Variants in MAN2A1 observed in about 807,000 individuals in gnomAD.
MAN2A1 encodes the protein mannosidase alpha class 2A member 1, also known as alpha-mannosidase 2.
Under a neutral mutation model 142.6 loss-of-function variants are expected in MAN2A1, and 76 were observed. That is an observed-to-expected ratio of 0.53 (90% CI 0.44 to 0.65). The LOEUF (loss-of-function observed/expected upper bound fraction) is 0.65, where lower values mean the gene tolerates loss of function less well. Among genes scored for constraint, MAN2A1 ranks in the 30% least tolerant of loss-of-function variants. MAN2A1 has a pLI of 0.00. For synonymous variants in MAN2A1, 559 were observed against 473.2 expected (o/e 1.18, Z -2.35); for missense variants, 1,311 against 1,365.1 (o/e 0.96, Z 0.62).
At chr5:109,811,470 C>T (rs889274280) in intron 12 of MAN2A1, among the ~76,000 whole-genome samples, 2 of 151,870 alleles carry the variant, frequency 1.3e-5, no homozygotes, top group Non-Finnish European at 2.9e-5. Flanking sequence ...TACTAAGTGA[C>T]ATTTTTTCAT....
At chr5:109,849,411 C>G (rs2112766703) in intron 19 of MAN2A1, among the ~76,000 whole-genome samples, 1 of 152,244 alleles carries the variant, frequency 6.6e-6, no homozygotes. Context: ...TCTTCTCTCC[C>G]AAACCTGGCC....
intron 7 of MAN2A1, 34 bp from the exon 8 acceptor site, chr5:109,774,754 A>C: frequency 6.5e-7 from 1 of 1,538,212 alleles, no homozygotes; most frequent in Non-Finnish European, 8.8e-7. Flanking sequence ...TCAAATTCAT[A>C]TTTGCTGTTT....
intron 1 of MAN2A1, among the ~76,000 whole-genome samples, chr5:109,708,288 C>T (rs1751194976): frequency 6.6e-6 from 1 of 152,014 alleles, no homozygotes; most frequent in Non-Finnish European, 1.5e-5. Flanking sequence ...AGGCTTGAAA[C>T]ATGGGAGCCT....
intron 16 of MAN2A1, among the ~76,000 whole-genome samples, chr5:109,838,711 A>C (rs1242793948): frequency 6.6e-6 from 1 of 152,224 alleles, no homozygotes; most frequent in Non-Finnish European, 1.5e-5. Context: ...GCTTGTTCAT[A>C]ATAAGCATAT....
intron 19 of MAN2A1, among the ~76,000 whole-genome samples, chr5:109,850,488 T>C (rs1356098726): frequency 6.6e-6 from 1 of 152,192 alleles, no homozygotes; most frequent in East Asian, 1.9e-4. Flanking sequence ...AGAATTAGTA[T>C]CCACTTTAGA....
At chr5:109,762,013 C>G (rs1582871218) in intron 5 of MAN2A1, among the ~76,000 whole-genome samples, 2 of 152,016 alleles carry the variant, frequency 1.3e-5, no homozygotes, top group African/African-American at 2.4e-5. Context: ...AAATAATATA[C>G]TAGCAGAAAG....
intron 20 of MAN2A1, among the ~76,000 whole-genome samples, chr5:109,859,717 C>T (rs1163463873): frequency 6.6e-6 from 1 of 152,080 alleles, no homozygotes; most frequent in East Asian, 1.9e-4. Flanking sequence ...AGAGAAGATG[C>T]AGGGAGGATC....
chr5:109,778,382 CTG>C (rs1753353091), intron 8 of MAN2A1, among the ~76,000 whole-genome samples: 1 of 151,992 alleles, frequency 6.6e-6, no homozygotes, highest in African/African-American at 2.4e-5. Context: ...TGTACAATGG[CTG>C]TGTCCTCTAG....
intron 5 of MAN2A1, among the ~76,000 whole-genome samples, chr5:109,762,714 G>A (rs1157855445): frequency 1.3e-5 from 2 of 152,130 alleles, no homozygotes; most frequent in Non-Finnish European, 2.9e-5. Context: ...CTCTTAGCAT[G>A]TGATATGAGG....
intron 16 of MAN2A1, chr5:109,840,756 T>A: frequency 3.0e-6 from 1 of 330,926 alleles, no homozygotes; most frequent in South Asian, 2.7e-5. Flanking sequence ...TGCTATGGCG[T>A]GCCCTGCCCC....
At position 109,847,784 on chromosome 5, in the gene MAN2A1, T is replaced by G. The variant is rs148127150; in HGVS notation, c.2970T>G (p.Val990=). The G allele has an allele frequency of 6.5e-7, 1 of 1,549,960 alleles. No individual in the cohort carries two copies. The highest frequency in any genetic ancestry group is 1.4e-5 in the African/African-American group (1 of 72,232). Residue 990 remains valine (V), a synonymous_variant, in exon 19 of 22, where the codon GTT becomes GTG. Transcript: ENST00000261483. Reference sequence around the variant, plus strand: ...TACTACTAGAAAAAAGAAGTGCTGTTAATACGGTATGAAAAAATAACTAGC... The same window carrying G: ...TACTACTAGAAAAAAGAAGTGCTGTGAATACGGTATGAAAAAATAACTAGC... The part of the protein sequence containing the change: ...FRILLEKRSA[V]NTEEEKKSVS...
intron 1 of MAN2A1, chr5:109,699,704 G>A: frequency 6.4e-6 from 1 of 156,756 alleles, no homozygotes. Flanking sequence ...GACTGAGCAT[G>A]CAGCTTCAGG....
In MAN2A1 at chr5:109,754,949, C is replaced by T. The variant is rs1455212377; in HGVS notation, c.708-380C>T. 5.3e-5 allele frequency among the ~76,000 whole-genome samples: 8 copies of T among 152,280 alleles called. No individual in the cohort carries two copies. The East Asian group carries it at 7.7e-4, about 15-fold the overall frequency. On this transcript the variant is annotated intron_variant, in intron 4 of 21. Coordinates refer to ENST00000261483, the MANE Select transcript of MAN2A1 (RefSeq NM_002372.4). ...CTGGGAGGCGGAGGTTGCAGTGAGC[C>T]GAGATTGCACCATTGCACTTCAGCC... is the stretch of plus-strand genomic sequence containing the variant.
chr5:109,817,542 A>G, intron 13 of MAN2A1, 104 bp downstream of exon 13: 2 of 1,094,250 alleles, frequency 1.8e-6, no homozygotes, highest in Non-Finnish European at 1.3e-6. Context: ...ATGTTGGTGT[A>G]TGTGAGGTGA....
intron 10 of MAN2A1, among the ~76,000 whole-genome samples, chr5:109,785,432 A>G (rs1753572152): frequency 6.6e-6 from 1 of 151,902 alleles, no homozygotes; most frequent in Non-Finnish European, 1.5e-5. Context: ...AAACCTTATC[A>G]TATGTGGATG....
intron 19 of MAN2A1, among the ~76,000 whole-genome samples, chr5:109,849,820 A>T (rs910141587): frequency 5.9e-5 from 9 of 151,900 alleles, no homozygotes; most frequent in Admixed American, 5.9e-4. Context: ...CGGCCTCCAG[A>T]GCCCCTCATG....
intron 16 of MAN2A1, among the ~76,000 whole-genome samples, chr5:109,834,905 G>GA (rs1755020298): frequency 6.6e-6 from 1 of 151,690 alleles, no homozygotes; most frequent in Admixed American, 6.6e-5. Flanking sequence ...AGTCAACATG[G>GA]AAAAAAAGAT....
chr5:109,833,897 C>A (rs1754995421), intron 16 of MAN2A1, among the ~76,000 whole-genome samples: 1 of 152,152 alleles, frequency 6.6e-6, no homozygotes, highest in African/African-American at 2.4e-5. Flanking sequence ...CAATTGGAAA[C>A]CATGTGTTTT....
At chr5:109,827,440 A>G (rs1174492290) in intron 16 of MAN2A1, among the ~76,000 whole-genome samples, 1 of 152,218 alleles carries the variant, frequency 6.6e-6, no homozygotes, top group Non-Finnish European at 1.5e-5. Context: ...ACTATTGCCC[A>G]AATTAAGCTT....
Sources: gnomAD v4.1 joint callset for allele counts (sites outside exome capture counted in the v4.1 genomes callset) on GRCh38, gnomAD v4.1.1 for gene constraint, MANE v1.5 for transcripts, NCBI Gene and HGNC (gene_info 2026-07-23, HGNC 2026-07-21) for gene names.